SGMS1: variants seen among roughly 807,000 people sequenced by gnomAD.
SGMS1 encodes the protein phosphatidylcholine:ceramide cholinephosphotransferase 1.
Under a neutral mutation model 46.2 loss-of-function variants are expected in SGMS1, and 13 were observed. The observed-to-expected ratio is 0.28, with a 90% CI of 0.18 to 0.45. SGMS1 has a LOEUF of 0.45. Ranked by LOEUF, SGMS1 falls within the 20% of genes least tolerant of loss-of-function variation. The pLI, the probability that SGMS1 is intolerant of heterozygous loss-of-function variation, is 1.00. For missense variants in SGMS1, 324 were observed against 519.9 expected (o/e 0.62, Z 3.66); for synonymous variants, 203 against 187.8 (o/e 1.08, Z -0.66).
At chr10:50,573,885 T>C (rs80113716) in intron 2 of SGMS1, among the ~76,000 whole-genome samples, 1,837 of 152,224 alleles carry the variant, frequency 0.012, 39 homozygotes, top group African/African-American at 0.042. Flanking sequence ...ATATAGCCAA[T>C]TGATCTTCAA....
At chr10:50,615,722 A>G (rs893265266) in intron 1 of SGMS1, among the ~76,000 whole-genome samples, 1 of 152,250 alleles carries the variant, frequency 6.6e-6, no homozygotes, top group Non-Finnish European at 1.5e-5. Context: ...GGCTCCCAAC[A>G]GAAATGATAA....
chr10:50,599,412 A>G (rs550870801), intron 1 of SGMS1, among the ~76,000 whole-genome samples: 2 of 152,332 alleles, frequency 1.3e-5, no homozygotes, highest in African/African-American at 2.4e-5. Context: ...CAGAGGCTGT[A>G]ATTTTCAAAA....
intron 2 of SGMS1, among the ~76,000 whole-genome samples, chr10:50,565,122 T>G (rs1018991200): frequency 2.0e-5 from 3 of 152,176 alleles, no homozygotes; most frequent in African/African-American, 7.2e-5. Flanking sequence ...AGTTTTTTAT[T>G]AAACAAGCAA....
At chr10:50,503,782 T>C (rs912053234) in intron 3 of SGMS1, among the ~76,000 whole-genome samples, 2 of 152,154 alleles carry the variant, frequency 1.3e-5, no homozygotes, top group Admixed American at 6.6e-5. Flanking sequence ...CACTGCCCCG[T>C]GCAGACACAG....
chr10:50,381,836 G>T (rs927691241), intron 6 of SGMS1, among the ~76,000 whole-genome samples: 5 of 152,120 alleles, frequency 3.3e-5, no homozygotes, highest in Non-Finnish European at 7.4e-5. Flanking sequence ...ACCACTCAGG[G>T]GGTTTAACTG....
At chr10:50,312,481 A>G (rs998966040) in intron 8 of SGMS1, among the ~76,000 whole-genome samples, 18 of 152,176 alleles carry the variant, frequency 1.2e-4, no homozygotes, top group African/African-American at 4.1e-4. Context: ...GGATTTTAGA[A>G]TCTGGGGACT....
intron 2 of SGMS1, among the ~76,000 whole-genome samples, chr10:50,565,878 C>G (rs913435552): frequency 6.6e-6 from 1 of 152,174 alleles, no homozygotes; most frequent in Non-Finnish European, 1.5e-5. Flanking sequence ...GACCTGGAAG[C>G]TGGAGCAAGC....
chr10:50,307,297 T>A lies in SGMS1; in HGVS notation c.1087A>T (p.Asn363Tyr). ...QQVLKEASQMNLLARVWWYRP... is the reference protein window; with the variant it reads ...QQVLKEASQMYLLARVWWYRP... ...TACCACCACACCCTGGCCAGGAGGT[T>A]CATCTGGGAAGCTTCCTTTAGCACC... The change falls in exon 11 of 11, where the codon AAC becomes TAC. Residue 363 changes from asparagine to tyrosine, a missense_variant. Asn to Tyr is a moderately radical substitution (Grantham distance 143, BLOSUM62 -2). Transcript: ENST00000361781. The surrounding 1 kb of genome is among the most constrained non-coding windows in gnomAD (Gnocchi z 4.2). 6.2e-7 allele frequency: 1 copy of A among 1,613,500 alleles called. No individual in the cohort carries two copies. The highest frequency in any genetic ancestry group is 8.5e-7 in the Non-Finnish European group (1 of 1,179,754).
intron 1 of SGMS1, among the ~76,000 whole-genome samples, chr10:50,620,297 A>G (rs976497221): frequency 2.0e-5 from 3 of 152,220 alleles, no homozygotes; most frequent in African/African-American, 4.8e-5. Context: ...GAGAGGAGAA[A>G]TAGCCATTTA....
intron 6 of SGMS1, among the ~76,000 whole-genome samples, chr10:50,388,920 C>T (rs532329429): frequency 5.9e-5 from 9 of 152,050 alleles, no homozygotes; most frequent in South Asian, 2.1e-4. Context: ...TCTAGAGCGC[C>T]GATGTACAAT....
intron 6 of SGMS1, among the ~76,000 whole-genome samples, chr10:50,360,850 C>T (rs151293255): frequency 6.6e-6 from 1 of 152,254 alleles, no homozygotes; most frequent in East Asian, 1.9e-4. Flanking sequence ...CCTCATTTAG[C>T]TAGAATAAAA....
At chr10:50,499,455 T>A (rs181915684) in intron 3 of SGMS1, among the ~76,000 whole-genome samples, 64 of 152,218 alleles carry the variant, frequency 4.2e-4, no homozygotes, top group African/African-American at 1.5e-3. Flanking sequence ...CACAAAAAGG[T>A]CTCTTTAGCA....
chr10:50,331,317 G>T (rs1589388417), intron 7 of SGMS1, among the ~76,000 whole-genome samples: 1 of 152,146 alleles, frequency 6.6e-6, no homozygotes. Context: ...GGTTTAGAGA[G>T]TTTAAGCTGA....
At chr10:50,618,054 A>C (rs1184749734) in intron 1 of SGMS1, among the ~76,000 whole-genome samples, 1 of 152,104 alleles carries the variant, frequency 6.6e-6, no homozygotes, top group Non-Finnish European at 1.5e-5. Context: ...AAGTAAACTA[A>C]TATGTGTCTG....
chr10:50,458,264 C>G (rs575251937), intron 5 of SGMS1, among the ~76,000 whole-genome samples: 1 of 150,086 alleles, frequency 6.7e-6, no homozygotes, highest in Non-Finnish European at 1.5e-5. Context: ...ATCAGCAAGG[C>G]AATGTAATTG....
At chr10:50,388,305 AT>A (rs1317378386) in intron 6 of SGMS1, among the ~76,000 whole-genome samples, 1 of 152,076 alleles carries the variant, frequency 6.6e-6, no homozygotes, top group Non-Finnish European at 1.5e-5. Context: ...TAACAATTTA[AT>A]TAAATATTTA....
intron 2 of SGMS1, among the ~76,000 whole-genome samples, chr10:50,536,295 T>A (rs1191193403): frequency 6.6e-6 from 1 of 152,042 alleles, no homozygotes; most frequent in African/African-American, 2.4e-5. Flanking sequence ...ATTGTGCCAC[T>A]GCATAAACAG....
intron 8 of SGMS1, among the ~76,000 whole-genome samples, chr10:50,313,095 T>C (rs989683984): frequency 6.6e-6 from 1 of 152,212 alleles, no homozygotes; most frequent in Admixed American, 6.5e-5. Flanking sequence ...GGAAACGACA[T>C]GACTTGGCCA....
At chr10:50,401,963 T>C (rs1330420098) in intron 6 of SGMS1, among the ~76,000 whole-genome samples, 1 of 152,254 alleles carries the variant, frequency 6.6e-6, no homozygotes, top group African/African-American at 2.4e-5. Context: ...ATGCAAAAGA[T>C]GGACCAAAGT....
Sources: allele counts gnomAD v4.1 joint callset (sites outside exome capture counted in the v4.1 genomes callset), GRCh38; gene constraint gnomAD v4.1.1; non-coding constraint Gnocchi (gnomAD v3.1); transcripts MANE v1.5; gene names NCBI Gene and HGNC (gene_info 2026-07-23, HGNC 2026-07-21).